SPEF1: variants seen among roughly 807,000 people sequenced by gnomAD.
The protein encoded by SPEF1 is sperm flagella and cilia-associated protein 1.
Under a neutral mutation model 31.8 loss-of-function variants are expected in SPEF1, and 30 were observed. The observed-to-expected ratio is 0.94, with a 90% CI of 0.70 to 1.28. The LOEUF (loss-of-function observed/expected upper bound fraction) is 1.28. Among genes scored for constraint, SPEF1 ranks in the 50% most tolerant of loss-of-function variants. SPEF1 has a pLI of 0.00. For synonymous variants in SPEF1, 126 were observed against 130.1 expected (o/e 0.97, Z 0.21); for missense variants, 298 against 309.6 (o/e 0.96, Z 0.28).
intron 5 of SPEF1, 83 bp from the exon 6 acceptor site, chr20:3,778,627 TC>T: frequency 1.3e-6 from 2 of 1,565,198 alleles, no homozygotes; most frequent in Non-Finnish European, 1.7e-6. Context: ...GGCCTTCCCT[TC>T]TCCCCCTCTA....
chr20:3,781,389 G>A lies in SPEF1; in HGVS notation c.-102C>T, dbSNP rs1043421809. Reference sequence around the variant, plus strand: ...CTCGCCACTGCAGAAGCCCATAACTGCCTCTGCCTGCCTAATCCAGAGACT... The same window carrying A: ...CTCGCCACTGCAGAAGCCCATAACTACCTCTGCCTGCCTAATCCAGAGACT... On this transcript the variant is annotated 5_prime_UTR_variant, in exon 1 of 7. Coordinates refer to ENST00000379756, the MANE Select transcript of SPEF1 (RefSeq NM_015417.5). The A allele has an allele frequency of 1.4e-6, 2 of 1,466,796 alleles. No homozygotes were observed. The highest frequency in any genetic ancestry group is 2.8e-5 in the African/African-American group (2 of 70,716). 90.9% of individuals were successfully genotyped at this position (1,466,796 alleles called of 1,614,324 possible).
chr20:3,781,176 C>A lies in SPEF1; in HGVS notation c.109+3G>T. 3 of 1,614,174 alleles carry A rather than the reference C, an allele frequency of 1.9e-6. No individual in the cohort carries two copies. The highest frequency in any genetic ancestry group is 2.5e-6 in the Non-Finnish European group (3 of 1,180,004). Reference sequence around the variant, plus strand: ...GAACATGCAGACACACAAGGGCACACACCTCCATCGCTAAAGTCCCGGGAG... The same window carrying A: ...GAACATGCAGACACACAAGGGCACAAACCTCCATCGCTAAAGTCCCGGGAG... On this transcript the variant is annotated splice_donor_region_variant and intron_variant, in intron 1 of 6. Transcript: ENST00000379756.
chr20:3,778,633 C>G (rs1055827899), intron 5 of SPEF1, 89 bp from the exon 6 acceptor site: 2 of 1,565,654 alleles, frequency 1.3e-6, no homozygotes, highest in South Asian at 1.1e-5. Flanking sequence ...CCCTTCTCCC[C>G]CTCTAGCCCC....
In SPEF1 at chr20:3,778,671, G is replaced by A. The variant is rs1050624149; in HGVS notation, c.479+75C>T. ...TCCTGCCTCCCGTCTCAGGCTCAGC[G>A]TACCGTGCCCCCCAACCCCAGCTGT... On this transcript the variant is annotated intron_variant, in intron 5 of 6. Coordinates refer to ENST00000379756, the MANE Select transcript of SPEF1 (RefSeq NM_015417.5). 93 of 1,589,982 alleles carry A rather than the reference G, an allele frequency of 5.8e-5. No individual in the cohort carries two copies. In the Admixed American group the frequency reaches 1.6e-3, roughly 27 times the overall value.
At chr20:3,778,855 T>G in intron 4 of SPEF1, 49 bp from the exon 5 acceptor site, 1 of 1,607,998 alleles carries the variant, frequency 6.2e-7, no homozygotes, top group Non-Finnish European at 8.5e-7. Context: ...CTCATTCTCC[T>G]GCTTCCCCCT....
chr20:3,779,645 T>C lies in SPEF1; in HGVS notation c.221+19A>G, dbSNP rs2146635841. 3 of 1,548,674 alleles carry C rather than the reference T, an allele frequency of 1.9e-6. No individual in the cohort carries two copies. In the East Asian group the frequency reaches 6.7e-5, roughly 35 times the overall value. On this transcript the variant is annotated intron_variant, in intron 2 of 6. Transcript: ENST00000379756. The stretch of plus-strand genomic sequence containing the variant: ...CCAAGACCATAGGAGATGATGGGGC[T>C]GCACAGGTATTCTGCTACCTGTTCA...
chr20:3,780,433 C>T (rs946419489), intron 1 of SPEF1, among the ~76,000 whole-genome samples: 2 of 146,862 alleles, frequency 1.4e-5, no homozygotes, highest in South Asian at 4.3e-4. Context: ...CACACACACA[C>T]ACACACACAC....
intron 1 of SPEF1, among the ~76,000 whole-genome samples, chr20:3,780,051 T>C (rs1213708125): frequency 6.6e-6 from 1 of 151,976 alleles, no homozygotes; most frequent in Non-Finnish European, 1.5e-5. Context: ...CAGTAGAGAA[T>C]GAGTCAGCCA....
rs752922823 is a variant in SPEF1, at chr20:3,779,194, A to G, written c.378+2T>C. ...GTGGGAGAAGCTGGAGCGGGGTGGC[A>G]CCTGTAAGGAGCCGGCGCCCTGCTT... On this transcript the variant is annotated splice_donor_variant, in intron 3 of 6. Transcript: ENST00000379756. LOFTEE classifies it high-confidence loss of function. 6.4e-7 allele frequency: 1 copy of G among 1,566,510 alleles called. No homozygotes were observed. Among genetic ancestry groups the G allele is most frequent in the Non-Finnish European group, 8.7e-7 (1 of 1,152,966 alleles).
At chr20:3,780,998 T>A (rs760231948) in intron 1 of SPEF1, among the ~76,000 whole-genome samples, 181 bp downstream of exon 1, 1 of 152,178 alleles carries the variant, frequency 6.6e-6, no homozygotes, top group Non-Finnish European at 1.5e-5. Flanking sequence ...CATACATATA[T>A]GGACACACAT....
intron 1 of SPEF1, 126 bp from the exon 2 acceptor site, chr20:3,779,901 G>C: frequency 5.7e-6 from 3 of 526,630 alleles, no homozygotes; most frequent in East Asian, 3.5e-5. Context: ...GTGGAGATGC[G>C]GAAAGGGGAA....
In SPEF1 at chr20:3,778,895, A is replaced by G. The variant is rs545227038; in HGVS notation, c.418+56T>C. On this transcript the variant is annotated intron_variant, in intron 4 of 6. Coordinates refer to ENST00000379756, the MANE Select transcript of SPEF1 (RefSeq NM_015417.5). ...ACTTCCACTCTCACAAGTGACAGGAAGAAGGACAGAAGGAAAGCTCCAACC... is the reference window on the plus strand; with the variant it reads ...ACTTCCACTCTCACAAGTGACAGGAGGAAGGACAGAAGGAAAGCTCCAACC... 34 of 1,613,126 alleles carry G rather than the reference A, an allele frequency of 2.1e-5. 1 individual carries two copies. In the African/African-American group the frequency reaches 2.3e-4, roughly 11 times the overall value.
chr20:3,779,639 T>C, intron 2 of SPEF1, 25 bp downstream of exon 2: 1 of 1,521,236 alleles, frequency 6.6e-7, no homozygotes, highest in East Asian at 2.3e-5. Flanking sequence ...TAGGAGATGA[T>C]GGGGCTGCAC....
rs764256183 is a variant in SPEF1 at position 3,781,369 on chromosome 20, C to T, written c.-82G>A. 130 of 1,536,682 alleles carry T rather than the reference C, an allele frequency of 8.5e-5. No homozygotes were observed. Among genetic ancestry groups the T allele is most frequent in the Non-Finnish European group, 1.0e-4 (120 of 1,143,468 alleles). ...ACCCTTCAGGCGCTTCCTTTCTCGC[C>T]ACTGCAGAAGCCCATAACTGCCTCT... On this transcript the variant is annotated 5_prime_UTR_variant, in exon 1 of 7. Coordinates refer to ENST00000379756, the MANE Select transcript of SPEF1 (RefSeq NM_015417.5).
chr20:3,779,718 T>C lies in SPEF1; in HGVS notation c.167A>G (p.Tyr56Cys), dbSNP rs1005741446. ...CTGCTGGAGAGAGTTGGCGGGGACA[T>C]AATTGTGCATCTCCACCATCTTGGG... ...YFPKMVEMHN[Y>C]VPANSLQQKL... Residue 56 changes from tyrosine to cysteine, a missense_variant, in exon 2 of 7, where the codon TAT (tyrosine) becomes TGT (cysteine). By Grantham distance (194) the Tyr-to-Cys change is radical. Coordinates refer to ENST00000379756, the MANE Select transcript of SPEF1 (RefSeq NM_015417.5). The C allele has an allele frequency of 1.2e-6, 2 of 1,613,348 alleles. No homozygotes were observed. The highest frequency in any genetic ancestry group is 2.7e-5 in the African/African-American group (2 of 74,664).
chr20:3,777,922 G>C lies in SPEF1; in HGVS notation c.*290C>G. ...GTGTTGGACACTGCTTTGGGGGACA[G>C]GCTAGGTCTCTGCACGTGGCTTCTG... On this transcript the variant is annotated 3_prime_UTR_variant, in exon 7 of 7. Coordinates refer to ENST00000379756, the MANE Select transcript of SPEF1 (RefSeq NM_015417.5). The surrounding 1 kb of genome is among the most constrained non-coding windows in gnomAD (Gnocchi z 4.1). 1 of 393,982 alleles carries C rather than the reference G, an allele frequency of 2.5e-6. No homozygotes were observed. Among genetic ancestry groups the C allele is most frequent in the Non-Finnish European group, 4.6e-6 (1 of 217,412 alleles). 24.4% of individuals were successfully genotyped at this position (393,982 alleles called of 1,614,324 possible).
chr20:3,781,373 G>A lies in SPEF1; in HGVS notation c.-86C>T. Reference sequence around the variant, plus strand: ...TTCAGGCGCTTCCTTTCTCGCCACTGCAGAAGCCCATAACTGCCTCTGCCT... The same window carrying A: ...TTCAGGCGCTTCCTTTCTCGCCACTACAGAAGCCCATAACTGCCTCTGCCT... On this transcript the variant is annotated 5_prime_UTR_variant, in exon 1 of 7. Transcript: ENST00000379756. 1 of 1,526,950 alleles carries A rather than the reference G, an allele frequency of 6.5e-7. No homozygotes were observed. Among genetic ancestry groups the A allele is most frequent in the Non-Finnish European group, 8.8e-7 (1 of 1,138,196 alleles). The allele number at this position is 1,526,950 out of a possible 1,614,324, so 94.6% of individuals were successfully genotyped here.
intron 6 of SPEF1, 34 bp downstream of exon 6, chr20:3,778,387 G>C (rs1020205658): frequency 6.2e-7 from 1 of 1,613,730 alleles, no homozygotes; most frequent in South Asian, 1.1e-5. Context: ...TGCTGGCCGC[G>C]AGCCCCCACC....
In SPEF1 at chr20:3,779,365, C is replaced by T. The variant is rs1255414070; in HGVS notation, c.222-13G>A. 1.9e-6 allele frequency: 3 copies of T among 1,583,676 alleles called. No homozygotes were observed. In the African/African-American group the frequency reaches 4.0e-5, roughly 21 times the overall value. ...CTTCAGTACCTTCCTGAGGGGTAGA[C>T]ATTGGGATAGCAGATTGGGTCCTGG... On this transcript the variant is annotated splice_polypyrimidine_tract_variant and intron_variant, in intron 2 of 6. Transcript: ENST00000379756.
Sources: gnomAD v4.1 joint callset for allele counts (sites outside exome capture counted in the v4.1 genomes callset) on GRCh38, gnomAD v4.1.1 for gene constraint, Gnocchi (gnomAD v3.1) non-coding constraint, MANE v1.5 for transcripts, NCBI Gene and HGNC (gene_info 2026-07-23, HGNC 2026-07-21) for gene names.